EXOC6B: variants seen among roughly 807,000 people sequenced by gnomAD.
EXOC6B encodes exocyst complex component 6B.
Under a neutral mutation model 113.5 loss-of-function variants are expected in EXOC6B, and 54 were observed. The observed-to-expected ratio is 0.48, with a 90% confidence interval of 0.38 to 0.60. The LOEUF is 0.60. Among genes scored for constraint, EXOC6B ranks in the 20% least tolerant of loss-of-function variants. The probability of loss-of-function intolerance (pLI) is 0.00; values close to 1 mark genes in which losing one functional copy is unlikely to be tolerated. For missense variants in EXOC6B, 797 were observed against 977.5 expected, an observed-to-expected ratio of 0.82 and a Z score of 2.46; for synonymous variants, 357 against 339.0, an observed-to-expected ratio of 1.05 and a Z score of -0.58.
At chr2:72,647,353 C>G (rs1468548033) in intron 6 of EXOC6B, among the ~76,000 whole-genome samples, 1 of 152,082 alleles carries the variant, frequency 6.6e-6, no homozygotes, top group African/African-American at 2.4e-5. Context: ...CCATACTGCC[C>G]AAGGTAATTT....
chr2:72,509,804 T>C (rs914570658), intron 11 of EXOC6B, among the ~76,000 whole-genome samples: 6 of 152,174 alleles, frequency 3.9e-5, no homozygotes, highest in African/African-American at 1.4e-4. Flanking sequence ...AATATCAGTA[T>C]TAATTTTTCC....
At chr2:72,368,127 T>C (rs1402520006) in intron 19 of EXOC6B, among the ~76,000 whole-genome samples, 1 of 152,036 alleles carries the variant, frequency 6.6e-6, no homozygotes, top group Non-Finnish European at 1.5e-5. Flanking sequence ...AGCTCATAGC[T>C]AGAAAATGAG....
intron 1 of EXOC6B, among the ~76,000 whole-genome samples, chr2:72,772,943 A>G (rs932240783): frequency 7.2e-5 from 11 of 152,138 alleles, no homozygotes; most frequent in Non-Finnish European, 1.5e-4. Context: ...CCCTAAAGAA[A>G]TGAAGATCTA....
chr2:72,514,980 CG>C, intron 9 of EXOC6B, 62 bp downstream of exon 9: 1 of 1,331,574 alleles, frequency 7.5e-7, no homozygotes, highest in African/African-American at 1.5e-5. Flanking sequence ...CACACACACA[CG>C]CATCAAAAGA....
At chr2:72,662,037 G>A (rs1212219931) in intron 6 of EXOC6B, among the ~76,000 whole-genome samples, 1 of 127,018 alleles carries the variant, frequency 7.9e-6, no homozygotes, top group Non-Finnish European at 1.6e-5. Flanking sequence ...AAGGAGGGGA[G>A]AAAGAAAGAA....
intron 1 of EXOC6B, among the ~76,000 whole-genome samples, chr2:72,803,869 GGTACAGC>G (rs1408222052): frequency 1.3e-5 from 2 of 152,032 alleles, no homozygotes; most frequent in Non-Finnish European, 2.9e-5. Context: ...CCTTAGATAT[GGTACAGC>G]TGAGTACTAT....
intron 20 of EXOC6B, among the ~76,000 whole-genome samples, chr2:72,219,801 A>G (rs1680758554): frequency 6.6e-6 from 1 of 152,144 alleles, no homozygotes; most frequent in Admixed American, 6.5e-5. Flanking sequence ...AGTTTGCCTC[A>G]TTTTATTTTC....
At chr2:72,279,807 TTG>T (rs1685021900) in intron 20 of EXOC6B, among the ~76,000 whole-genome samples, 1 of 151,514 alleles carries the variant, frequency 6.6e-6, no homozygotes, top group African/African-American at 2.4e-5. Context: ...TTTGTTGTTG[TTG>T]TTTTTGTTTT....
chr2:72,390,210 T>G (rs192565806), intron 18 of EXOC6B, among the ~76,000 whole-genome samples: 1 of 152,360 alleles, frequency 6.6e-6, no homozygotes, highest in Non-Finnish European at 1.5e-5. Flanking sequence ...ACTAATACAA[T>G]TCAGTGTAAT....
At chr2:72,580,035 A>G (rs977135654) in intron 6 of EXOC6B, among the ~76,000 whole-genome samples, 3 of 151,990 alleles carry the variant, frequency 2.0e-5, no homozygotes, top group Admixed American at 6.6e-5. Context: ...ATGAGAAAAT[A>G]CATGTGAAGT....
intron 20 of EXOC6B, among the ~76,000 whole-genome samples, chr2:72,227,324 C>T (rs1328415004): frequency 6.6e-6 from 1 of 152,066 alleles, no homozygotes; most frequent in Non-Finnish European, 1.5e-5. Flanking sequence ...CCAGTAAAAA[C>T]TATCAGGTGA....
intron 8 of EXOC6B, 61 bp downstream of exon 8, chr2:72,559,390 TGA>T (rs76076963): frequency 1.7e-6 from 2 of 1,202,832 alleles, no homozygotes. Context: ...TACCAAAAGT[TGA>T]GAGAGCAAAG....
At chr2:72,519,946 G>A (rs1701402522) in intron 8 of EXOC6B, among the ~76,000 whole-genome samples, 1 of 152,182 alleles carries the variant, frequency 6.6e-6, no homozygotes, top group Non-Finnish European at 1.5e-5. Flanking sequence ...GGGCCATGAG[G>A]AAATGTGTGG....
At position 72,379,808 on chromosome 2, in the gene EXOC6B, T is replaced by C. The variant is rs1414870716; in HGVS notation, c.2043A>G (p.Gln681=). 1.2e-6 allele frequency: 2 copies of C among 1,613,296 alleles called. No individual in the cohort carries two copies. The highest frequency in any genetic ancestry group is 3.3e-5 in the Admixed American group (2 of 59,928). The part of the protein sequence containing the change: ...ACKHLATSLM[Q]LLLEAEVRQL... ...GCCGCACTTCAGCTTCCAACAAAAG[T>C]TGCATCAAGGATGTGGCTAAATGCT... is the stretch of plus-strand genomic sequence containing the variant. Residue 681 remains glutamine, a synonymous_variant, in exon 19 of 22, where the codon CAA becomes CAG. Transcript: ENST00000272427.
At chr2:72,470,248 G>A (rs1263440760) in intron 17 of EXOC6B, among the ~76,000 whole-genome samples, 5 of 151,890 alleles carry the variant, frequency 3.3e-5, no homozygotes, top group Non-Finnish European at 7.4e-5. Flanking sequence ...GTCCTCTTCC[G>A]TTTCTTTCAT....
chr2:72,401,639 A>G lies in EXOC6B; in HGVS notation c.1981-21769T>C, dbSNP rs1320713186. Among the ~76,000 whole-genome samples the G allele has an allele frequency of 2.4e-4, 12 of 49,298 alleles. 1 individual carries two copies. The highest frequency in any genetic ancestry group is 1.3e-3 in the African/African-American group (6 of 4,742). The allele number at this position is 49,298 out of a possible 152,430, so 32.3% of individuals were successfully genotyped here. ...TATATATACATATATATATATATAC[A>G]TATATACATATATATATATATATAT... On this transcript the variant is annotated intron_variant, in intron 18 of 21. Coordinates refer to ENST00000272427, the MANE Select transcript of EXOC6B (RefSeq NM_015189.3).
chr2:72,506,403 G>A (rs945369406), intron 11 of EXOC6B, among the ~76,000 whole-genome samples: 6 of 152,092 alleles, frequency 3.9e-5, no homozygotes, highest in African/African-American at 1.4e-4. Flanking sequence ...CAGCAGATTA[G>A]ACTCTCCATC....
At chr2:72,629,742 A>G (rs956657044) in intron 6 of EXOC6B, among the ~76,000 whole-genome samples, 7 of 152,184 alleles carry the variant, frequency 4.6e-5, no homozygotes, top group African/African-American at 1.7e-4. Flanking sequence ...TGATGTATAA[A>G]ACAATGTTAA....
chr2:72,375,506 T>C (rs1383683184), intron 19 of EXOC6B, among the ~76,000 whole-genome samples: 2 of 152,108 alleles, frequency 1.3e-5, no homozygotes, highest in Non-Finnish European at 2.9e-5. Context: ...AACAGAAGTA[T>C]TAATGTATCT....
Sources: gnomAD v4.1 joint callset for allele counts (sites outside exome capture counted in the v4.1 genomes callset) on GRCh38, gnomAD v4.1.1 for gene constraint, MANE v1.5 for transcripts, NCBI Gene and HGNC (gene_info 2026-07-23, HGNC 2026-07-21) for gene names.